The following RDH8 variants were observed in gnomAD, a reference collection of about 807,000 sequenced individuals.
RDH8 encodes retinol dehydrogenase 8.
A neutral mutation model predicts 22.3 loss-of-function variants in RDH8; 14 were observed. The observed-to-expected ratio is 0.63, with a 90% CI of 0.42 to 0.98. The LOEUF is 0.98. Among genes scored for constraint, RDH8 ranks in the 50% least tolerant of loss-of-function variants. The pLI, the probability that RDH8 is intolerant of heterozygous loss-of-function variation, is 0.00. For synonymous variants in RDH8, 175 were observed against 171.7 expected (o/e 1.02, Z -0.15); for missense variants, 389 against 409.8 (o/e 0.95, Z 0.44).
intron 1 of RDH8, among the ~76,000 whole-genome samples, chr19:10,016,035 G>A (rs972225007): frequency 6.6e-6 from 1 of 151,418 alleles, no homozygotes; most frequent in Non-Finnish European, 1.5e-5. Flanking sequence ...AGTTGTGTAT[G>A]CATTTTTTTC....
At chr19:10,016,002 A>G (rs2087611612) in intron 1 of RDH8, among the ~76,000 whole-genome samples, 1 of 151,708 alleles carries the variant, frequency 6.6e-6, no homozygotes, top group Non-Finnish European at 1.5e-5. Flanking sequence ...TTCAGTGTTC[A>G]TATATGCACA....
chr19:10,014,804 TGGGATTACA>T (rs1401608262), intron 1 of RDH8, among the ~76,000 whole-genome samples: 1 of 152,196 alleles, frequency 6.6e-6, no homozygotes, highest in Non-Finnish European at 1.5e-5. Flanking sequence ...CCCAAAGTGC[TGGGATTACA>T]GGCATGAGCC....
rs1263523275 is a variant in RDH8, at chr19:10,021,274, G to A, written c.556G>A (p.Gly186Ser). Residue 186 changes from glycine to serine, a missense_variant, in exon 5 of 6, where the codon GGC (glycine) becomes AGC (serine). By Grantham distance (56) the Gly-to-Ser change is moderately conservative. Transcript: ENST00000591589. ...FNIFISLVEP[G>S]PVVTEFEGKL... is the part of the protein sequence containing the mutation. ...CGCCAGCATCTCCCTGGTGGAGCCA[G>A]GCCCCGTGGTCACCGAGTTTGAGGG... 1.2e-6 allele frequency: 2 copies of A among 1,614,168 alleles called. No individual in the cohort carries two copies. Among genetic ancestry groups the A allele is most frequent in the South Asian group, 2.2e-5 (2 of 91,090 alleles).
chr19:10,022,008 G>A lies in RDH8; in HGVS notation c.*259G>A. 1 of 506,764 alleles carries A rather than the reference G, an allele frequency of 2.0e-6. No individual in the cohort carries two copies. Among genetic ancestry groups the A allele is most frequent in the Non-Finnish European group, 3.5e-6 (1 of 282,938 alleles). 31.4% of individuals were successfully genotyped at this position (506,764 alleles called of 1,614,324 possible). On this transcript the variant is annotated 3_prime_UTR_variant, in exon 6 of 6. Coordinates refer to ENST00000591589, the MANE Select transcript of RDH8 (RefSeq NM_015725.4). ...GAGCAGGAAGCCACAGCTGTCTCTGGGAAAGCAAGGGAGGCTTCCTGGAGG... is the reference window on the plus strand; with the variant it reads ...GAGCAGGAAGCCACAGCTGTCTCTGAGAAAGCAAGGGAGGCTTCCTGGAGG...
intron 1 of RDH8, among the ~76,000 whole-genome samples, 174 bp from the exon 2 acceptor site, chr19:10,016,883 G>A (rs546675343): frequency 6.6e-6 from 1 of 152,328 alleles, no homozygotes; most frequent in South Asian, 2.1e-4. Context: ...ATATAGGTAC[G>A]TGGAGATGCG....
rs749900806 is a variant in RDH8 at position 10,021,277 on chromosome 19, C to T, written c.559C>T (p.Pro187Ser). The change falls in exon 5 of 6, where the codon CCC becomes TCC. Residue 187 changes from proline (P) to serine (S), a missense_variant. Pro to Ser is a moderately conservative substitution (Grantham distance 74, BLOSUM62 -1). Transcript: ENST00000591589. The part of the protein sequence containing the change: ...NIFISLVEPG[P>S]VVTEFEGKLL... ...CAGCATCTCCCTGGTGGAGCCAGGCCCCGTGGTCACCGAGTTTGAGGGGAA... is the reference window on the plus strand; with the variant it reads ...CAGCATCTCCCTGGTGGAGCCAGGCTCCGTGGTCACCGAGTTTGAGGGGAA... 75 of 1,614,006 alleles carry T rather than the reference C, an allele frequency of 4.6e-5. No homozygotes were observed. Among genetic ancestry groups the T allele is most frequent in the Non-Finnish European group, 7.6e-6 (9 of 1,180,022 alleles).
At position 10,020,484 on chromosome 19, in the gene RDH8, G is replaced by A. The variant is rs3745599; in HGVS notation, c.443-225G>A. Among the ~76,000 whole-genome samples, 379 of 152,140 alleles carry A rather than the reference G, an allele frequency of 2.5e-3. 7 individuals are homozygous for A. In the East Asian group the frequency reaches 0.037, roughly 15 times the overall value. On this transcript the variant is annotated intron_variant, in intron 3 of 5. Transcript: ENST00000591589. ...AAATAGGGGAGTTTCCTGGGACCAG[G>A]TGGAGCTGGGAGGAGGTGGCACCCG...
At chr19:10,013,884 G>C (rs1007337579) in intron 1 of RDH8, among the ~76,000 whole-genome samples, 1 of 151,942 alleles carries the variant, frequency 6.6e-6, no homozygotes, top group African/African-American at 2.4e-5. Context: ...AAAAGAAATT[G>C]TTGCTCTATC....
In RDH8 at chr19:10,016,813, G is replaced by A. The variant is rs546042206; in HGVS notation, c.104-244G>A. On this transcript the variant is annotated intron_variant, in intron 1 of 5. Coordinates refer to ENST00000591589, the MANE Select transcript of RDH8 (RefSeq NM_015725.4). ...TGCCATAGCCTCAGCACCTAGAATA[G>A]GGCATAGTGTATAGTAGATGCTCAA... Among the ~76,000 whole-genome samples the A allele has an allele frequency of 6.6e-5, 10 of 152,178 alleles. No individual in the cohort carries two copies. In the East Asian group the frequency reaches 1.9e-3, roughly 29 times the overall value.
At position 10,020,727 on chromosome 19, in the gene RDH8, T is replaced by G; in HGVS notation, c.461T>G (p.Val154Gly). ...CTCACAGGTGTCATCTTCAACGATG[T>G]CTATGCAGCTTCCAAGTTCGCCCTG... ...MGLQGVIFND[V>G]YAASKFALEG... Residue 154 changes from valine to glycine, a missense_variant, in exon 4 of 6, where the codon GTC becomes GGC. Coordinates refer to ENST00000591589, the MANE Select transcript of RDH8 (RefSeq NM_015725.4). 1.2e-6 allele frequency: 2 copies of G among 1,610,488 alleles called. No individual in the cohort carries two copies. The highest frequency in any genetic ancestry group is 1.7e-6 in the Non-Finnish European group (2 of 1,178,004).
chr19:10,021,898 G>T lies in RDH8; in HGVS notation c.*149G>T. ...CCTAGACATGGCTAGAATCCCAGAA[G>T]GGCCTTTATTTTCAGGCATAGACTC... On this transcript the variant is annotated 3_prime_UTR_variant, in exon 6 of 6. Transcript: ENST00000591589. 1.2e-6 allele frequency: 1 copy of T among 842,600 alleles called. No individual in the cohort carries two copies. The highest frequency in any genetic ancestry group is 1.8e-5 in the South Asian group (1 of 56,610). 52.2% of individuals were successfully genotyped at this position (842,600 alleles called of 1,614,324 possible).
intron 3 of RDH8, among the ~76,000 whole-genome samples, chr19:10,020,383 A>G (rs2087649539): frequency 6.6e-6 from 1 of 151,492 alleles, no homozygotes; most frequent in African/African-American, 2.4e-5. Flanking sequence ...GGAGGGAGGA[A>G]GAGAGACAAG....
rs767414239 is a variant in RDH8 at position 10,017,136 on chromosome 19, C to T, written c.183C>T (p.Thr61=). ...GGGAGGCTCTGGGGCAGACCCTCAC[C>T]GTGGCCCAGCTGGACGTGTGCAGTG... The part of the protein sequence containing the change: ...AAGEALGQTL[T]VAQLDVCSDE... The change falls in exon 2 of 6, where the codon ACC becomes ACT. Residue 61 remains threonine (T), a synonymous_variant. Transcript: ENST00000591589. The T allele has an allele frequency of 1.2e-5, 20 of 1,611,342 alleles. No individual in the cohort carries two copies. Among genetic ancestry groups the T allele is most frequent in the East Asian group, 1.1e-4 (5 of 44,812 alleles).
chr19:10,015,615 C>T (rs1378249158), intron 1 of RDH8, among the ~76,000 whole-genome samples: 27 of 145,348 alleles, frequency 1.9e-4, no homozygotes, highest in African/African-American at 5.9e-4. Context: ...GCACCAAGAG[C>T]GAGACTCCGT....
Position 10,021,715 on chromosome 19 carries a change from G to T in RDH8, c.902G>T (p.Cys301Phe), listed in dbSNP as rs561249272. The change falls in exon 6 of 6, where the codon TGC becomes TTC. Residue 301 changes from cysteine (C) to phenylalanine (F), a missense_variant. Transcript: ENST00000591589. ...LLNLGLQCLS[C>F]GCLPTRVRPR The stretch of plus-strand genomic sequence containing the variant: ...AACCTTGGCCTTCAATGTCTGTCCT[G>T]CGGCTGCCTCCCAACGCGGGTGCGG... The T allele has an allele frequency of 3.4e-5, 55 of 1,613,828 alleles. No homozygotes were observed. The highest frequency in any genetic ancestry group is 8.3e-5 in the Admixed American group (5 of 60,010).
In RDH8 at chr19:10,021,694, T is replaced by C; in HGVS notation, c.881T>C (p.Leu294Pro). The change falls in exon 6 of 6, where the codon CTT (leucine) becomes CCT (proline). Residue 294 changes from leucine to proline, a missense_variant. By Grantham distance (98) the Leu-to-Pro change is moderately conservative. Transcript: ENST00000591589. ...LLFRCPRLLN[L>P]GLQCLSCGCL... ...TTCCGCTGTCCACGCCTCCTCAACC[T>C]TGGCCTTCAATGTCTGTCCTGCGGC... The C allele has an allele frequency of 6.2e-7, 1 of 1,614,092 alleles. No homozygotes were observed. The highest frequency in any genetic ancestry group is 8.5e-7 in the Non-Finnish European group (1 of 1,180,026).
At chr19:10,013,688 C>T in intron 1 of RDH8, 88 bp downstream of exon 1, 1 of 1,408,736 alleles carries the variant, frequency 7.1e-7, no homozygotes, top group Non-Finnish European at 9.8e-7. Context: ...CCCAGCTGCA[C>T]TTGTGGGCTT....
chr19:10,018,984 G>A, intron 3 of RDH8, 74 bp downstream of exon 3: 1 of 1,289,112 alleles, frequency 7.8e-7, no homozygotes, highest in South Asian at 1.4e-5. Context: ...ATGGCGAATG[G>A]GTTTTAGATC....
chr19:10,021,823 A>G lies in RDH8; in HGVS notation c.*74A>G. The G allele has an allele frequency of 7.0e-7, 1 of 1,433,208 alleles. No individual in the cohort carries two copies. The highest frequency in any genetic ancestry group is 2.4e-5 in the East Asian group (1 of 42,468). The allele number at this position is 1,433,208 out of a possible 1,614,324, so 88.8% of individuals were successfully genotyped here. A position where few individuals can be genotyped will look rare whatever the true frequency, so the allele number is the denominator to read the frequency against. On this transcript the variant is annotated 3_prime_UTR_variant, in exon 6 of 6. Coordinates refer to ENST00000591589, the MANE Select transcript of RDH8 (RefSeq NM_015725.4). ...ATTCCACATCTAATTCAAAGGATGA[A>G]CAGACTCTTCATTTATTCATTCTGC...
Sources: gnomAD v4.1 joint callset for allele counts (sites outside exome capture counted in the v4.1 genomes callset) on GRCh38, gnomAD v4.1.1 for gene constraint, MANE v1.5 for transcripts, NCBI Gene and HGNC (gene_info 2026-07-23, HGNC 2026-07-21) for gene names.